PTPRN2: variants seen among roughly 807,000 people sequenced by gnomAD.
PTPRN2 encodes the protein receptor-type tyrosine-protein phosphatase N2.
PTPRN2 carries 74 observed loss-of-function variants against 118.8 expected under a neutral mutation model. That is an observed-to-expected ratio of 0.62 (90% CI 0.52 to 0.76). The LOEUF (loss-of-function observed/expected upper bound fraction) is 0.76. PTPRN2 is among the 30% of genes least tolerant of loss of function. The pLI is 0.00. For missense variants in PTPRN2, 1,481 were observed against 1,394.4 expected (o/e 1.06, Z -0.99); for synonymous variants, 641 against 608.0 (o/e 1.05, Z -0.80).
At chr7:158,425,912 CAG>C (rs1341711683) in intron 2 of PTPRN2, among the ~76,000 whole-genome samples, 12 of 142,916 alleles carry the variant, frequency 8.4e-5, no homozygotes, top group East Asian at 2.0e-4. Flanking sequence ...GGGAAAGACG[CAG>C]AGTCAGTCCA....
At chr7:157,756,645 C>T (rs764818579) in intron 12 of PTPRN2, among the ~76,000 whole-genome samples, 6 of 152,214 alleles carry the variant, frequency 3.9e-5, no homozygotes, top group East Asian at 1.9e-4. Context: ...GCTCTCACTG[C>T]GCAATGGAAG....
chr7:157,798,265 A>C (rs760144743), intron 12 of PTPRN2, among the ~76,000 whole-genome samples: 3 of 152,248 alleles, frequency 2.0e-5, no homozygotes, highest in African/African-American at 4.8e-5. Context: ...TCCTAAAAAA[A>C]TAAATAAAAA....
chr7:158,334,672 GTCAC>G (rs1805241733), intron 2 of PTPRN2, among the ~76,000 whole-genome samples: 1 of 74,918 alleles, frequency 1.3e-5, no homozygotes, highest in African/African-American at 4.6e-5. Flanking sequence ...ACCTGCAGAC[GTCAC>G]TCACACCCAC....
chr7:157,543,441 C>G (rs1798107789), intron 22 of PTPRN2, among the ~76,000 whole-genome samples: 1 of 152,230 alleles, frequency 6.6e-6, no homozygotes, highest in Non-Finnish European at 1.5e-5. Flanking sequence ...CCACGCTGGA[C>G]AGCGAGTGGG....
intron 6 of PTPRN2, among the ~76,000 whole-genome samples, chr7:158,163,509 CTCT>C (rs1188577160): frequency 6.7e-6 from 1 of 149,932 alleles, no homozygotes; most frequent in Non-Finnish European, 1.5e-5. Flanking sequence ...TCTCAATTCT[CTCT>C]TCTTATTTCA....
intron 12 of PTPRN2, among the ~76,000 whole-genome samples, chr7:157,722,437 G>T (rs970696703): frequency 6.6e-6 from 1 of 152,154 alleles, no homozygotes; most frequent in Non-Finnish European, 1.5e-5. Flanking sequence ...CAGAACCTGG[G>T]ACCCAGCGCC....
In PTPRN2 at chr7:157,674,519, C is replaced by T. The variant is rs977447123; in HGVS notation, c.2001+8206G>A. Among the ~76,000 whole-genome samples the T allele has an allele frequency of 2.6e-5, 4 of 152,258 alleles. No individual in the cohort carries two copies. The highest frequency in any genetic ancestry group is 4.8e-5 in the African/African-American group (2 of 41,468). ...GCCATCATTCCTCATCCCACCACCC[C>T]GCGCAGCGTCTTGCCTCCTTTTATG... On this transcript the variant is annotated intron_variant, in intron 13 of 22. Transcript: ENST00000389418. The surrounding 1 kb of genome is among the most constrained non-coding windows in gnomAD (Gnocchi z 4.5).
intron 2 of PTPRN2, among the ~76,000 whole-genome samples, chr7:158,366,383 C>A (rs1208460587): frequency 2.2e-5 from 1 of 45,690 alleles, no homozygotes; most frequent in Admixed American, 1.7e-4. Context: ...CAAACGCACA[C>A]ACACCCACAC....
intron 21 of PTPRN2, among the ~76,000 whole-genome samples, chr7:157,549,805 A>G (rs992946266): frequency 2.6e-5 from 4 of 152,222 alleles, no homozygotes; most frequent in Non-Finnish European, 5.9e-5. Flanking sequence ...CAGGATGAGA[A>G]ACACAGAGAA....
intron 11 of PTPRN2, among the ~76,000 whole-genome samples, chr7:158,058,887 C>A (rs367597000): frequency 2.4e-5 from 2 of 84,400 alleles, no homozygotes; most frequent in Non-Finnish European, 4.5e-5. Context: ...CAGTGAGACA[C>A]CACTGCAGCC....
intron 3 of PTPRN2, among the ~76,000 whole-genome samples, chr7:158,294,160 G>C (rs965288623): frequency 2.0e-5 from 3 of 152,206 alleles, no homozygotes; most frequent in Non-Finnish European, 4.4e-5. Context: ...GTCAGTCGGT[G>C]ACAGGGGTTT....
intron 21 of PTPRN2, among the ~76,000 whole-genome samples, chr7:157,553,666 G>A (rs182139294): frequency 2.0e-3 from 297 of 152,282 alleles, no homozygotes; most frequent in African/African-American, 6.8e-3. Context: ...CCTCCGAGTC[G>A]CGCTGAGCCC....
At chr7:158,235,692 G>A (rs934096081) in intron 3 of PTPRN2, among the ~76,000 whole-genome samples, 3 of 152,162 alleles carry the variant, frequency 2.0e-5, no homozygotes, top group Non-Finnish European at 2.9e-5. Flanking sequence ...GGTGACTAGA[G>A]TTAACAATAA....
intron 9 of PTPRN2, among the ~76,000 whole-genome samples, chr7:158,111,909 G>A (rs1017116513): frequency 2.0e-5 from 3 of 152,210 alleles, no homozygotes; most frequent in Non-Finnish European, 2.9e-5. Context: ...GGTCAATAGG[G>A]TGAACCCTAA....
At chr7:157,963,288 C>G (rs930756368) in intron 11 of PTPRN2, among the ~76,000 whole-genome samples, 3 of 152,230 alleles carry the variant, frequency 2.0e-5, no homozygotes, top group Non-Finnish European at 4.4e-5. Context: ...AGACCAGAAG[C>G]AGAAAACTGA....
chr7:158,507,862 T>C (rs967256785), intron 1 of PTPRN2, among the ~76,000 whole-genome samples: 2 of 129,568 alleles, frequency 1.5e-5, no homozygotes, highest in African/African-American at 6.1e-5. Context: ...GCCCAGGGGA[T>C]AGCGCTGCAG....
At chr7:158,295,634 G>T (rs527823816) in intron 3 of PTPRN2, among the ~76,000 whole-genome samples, 1 of 148,638 alleles carries the variant, frequency 6.7e-6, no homozygotes, top group East Asian at 2.0e-4. Flanking sequence ...CTTTATGAGG[G>T]TCTAAGCCCA....
At chr7:157,665,638 C>CT (rs1412322900) in intron 13 of PTPRN2, among the ~76,000 whole-genome samples, 3 of 124,082 alleles carry the variant, frequency 2.4e-5, no homozygotes, top group South Asian at 2.5e-4. Context: ...TATATGTGAA[C>CT]TAAGAAAAGG....
chr7:158,055,817 G>A (rs1266256538), intron 11 of PTPRN2, among the ~76,000 whole-genome samples: 6 of 152,108 alleles, frequency 3.9e-5, no homozygotes, highest in Non-Finnish European at 8.8e-5. Flanking sequence ...GGCATTCCGG[G>A]CTACTACTGG....
Sources: allele counts gnomAD v4.1 joint callset (sites outside exome capture counted in the v4.1 genomes callset), GRCh38; gene constraint gnomAD v4.1.1; non-coding constraint Gnocchi (gnomAD v3.1); transcripts MANE v1.5; gene names NCBI Gene and HGNC (gene_info 2026-07-23, HGNC 2026-07-21).